Variants in TRIM5 observed in about 807,000 individuals in gnomAD.
The protein encoded by TRIM5 is tripartite motif containing 5.
TRIM5 carries 31 observed loss-of-function variants against 35.6 expected under a neutral mutation model. The observed-to-expected ratio is 0.87, with a 90% CI of 0.65 to 1.18. TRIM5 has a LOEUF of 1.18. Among genes scored for constraint, TRIM5 ranks in the 50% most tolerant of loss-of-function variants. The pLI is 0.00. For synonymous variants in TRIM5, 243 were observed against 215.6 expected (o/e 1.13, Z -1.11); for missense variants, 609 against 591.6 (o/e 1.03, Z -0.31).
the TRIM5 span, chr11:5,655,773 C>G: frequency 1.3e-6 from 1 of 787,964 alleles, no homozygotes; most frequent in Non-Finnish European, 1.5e-6. Context: ...TTCAGTGCTA[C>G]ATTTTAATTA....
chr11:5,610,519 C>T, the TRIM5 span: 4 of 1,614,038 alleles, frequency 2.5e-6, no homozygotes, highest in Non-Finnish European at 2.5e-6. Flanking sequence ...ATTATTGACT[C>T]TTTTCATCAT....
intron 4 of TRIM5, among the ~76,000 whole-genome samples, chr11:5,675,755 G>T (rs1480975782): frequency 6.8e-6 from 1 of 147,074 alleles, no homozygotes; most frequent in African/African-American, 2.5e-5. Flanking sequence ...CATTGTGCAG[G>T]TTAGTTACAT....
chr11:5,637,988 G>A, the TRIM5 span, among the ~76,000 whole-genome samples: 2 of 152,176 alleles, frequency 1.3e-5, no homozygotes, highest in Non-Finnish European at 2.9e-5. Flanking sequence ...AGAAAGACTA[G>A]CATGTCTATT....
the TRIM5 span, among the ~76,000 whole-genome samples, chr11:5,646,941 A>AAAC: frequency 6.6e-6 from 1 of 151,926 alleles, no homozygotes; most frequent in East Asian, 1.9e-4. Context: ...GATTTTAAAA[A>AAAC]AAACAAACAA....
chr11:5,633,818 A>C, the TRIM5 span: 1 of 1,613,856 alleles, frequency 6.2e-7, no homozygotes, highest in Non-Finnish European at 8.5e-7. Context: ...AACTCCAGGC[A>C]GTCCTCAAGA....
At chr11:5,610,512 A>G in the TRIM5 span, 5 of 1,614,002 alleles carry the variant, frequency 3.1e-6, no homozygotes, top group African/African-American at 4.0e-5. Flanking sequence ...ATTCAACATT[A>G]TTGACTCTTT....
the TRIM5 span, chr11:5,591,008 C>A: frequency 5.7e-6 from 1 of 176,636 alleles, no homozygotes; most frequent in Non-Finnish European, 1.2e-5. Context: ...CCCACCAATT[C>A]CGGACACACT....
At chr11:5,626,720 A>G in the TRIM5 span, 1 of 152,034 alleles carries the variant, frequency 6.6e-6, no homozygotes, top group African/African-American at 2.4e-5. Flanking sequence ...TCTCTACTAA[A>G]AAAATGCAAA....
At chr11:5,620,598 G>A in the TRIM5 span, among the ~76,000 whole-genome samples, 1 of 152,088 alleles carries the variant, frequency 6.6e-6, no homozygotes, top group South Asian at 2.1e-4. Flanking sequence ...TTCTACTTCT[G>A]TAGTAATTCT....
chr11:5,600,504 C>T, the TRIM5 span, among the ~76,000 whole-genome samples: 1 of 152,140 alleles, frequency 6.6e-6, no homozygotes, highest in African/African-American at 2.4e-5. Context: ...CCAGCAGGGC[C>T]GCTAGGAGGC....
chr11:5,683,138 C>A (rs145511662), intron 1 of TRIM5, among the ~76,000 whole-genome samples: 7 of 152,214 alleles, frequency 4.6e-5, no homozygotes, highest in African/African-American at 1.7e-4. Flanking sequence ...GCTGCCTCCC[C>A]GCGGGGCAGA....
At chr11:5,643,127 T>TATAGA in the TRIM5 span, 23 of 521,814 alleles carry the variant, frequency 4.4e-5, no homozygotes, top group African/African-American at 2.1e-4. Flanking sequence ...ATATATATAT[T>TATAGA]TTTTTTTTTC....
chr11:5,661,036 C>T (rs1223473514), downstream of TRIM5, among the ~76,000 whole-genome samples: 12 of 73,856 alleles, frequency 1.6e-4, 1 homozygote, highest in South Asian at 3.7e-3. Context: ...AGAGAGACTC[C>T]GTCTCAAAAA....
chr11:5,675,453 C>T (rs1000111751), intron 4 of TRIM5, among the ~76,000 whole-genome samples: 2 of 151,960 alleles, frequency 1.3e-5, no homozygotes, highest in Non-Finnish European at 2.9e-5. Context: ...AATGAGGGAG[C>T]AGGGAGGTAA....
chr11:5,644,458 G>C, the TRIM5 span: 7 of 387,936 alleles, frequency 1.8e-5, no homozygotes, highest in Admixed American at 1.3e-4. Context: ...AATAGTAGTT[G>C]ATTTTACTGA....
chr11:5,633,211 T>C, the TRIM5 span, among the ~76,000 whole-genome samples: 1 of 148,214 alleles, frequency 6.7e-6, no homozygotes, highest in Non-Finnish European at 1.5e-5. Context: ...GCGGACTGAG[T>C]CTGAAAAAGG....
At chr11:5,684,603 G>A (rs1212127068) in intron 1 of TRIM5, among the ~76,000 whole-genome samples, 9 of 152,286 alleles carry the variant, frequency 5.9e-5, no homozygotes, top group East Asian at 1.9e-4. Context: ...GTTGTTGGGA[G>A]AAGACACTGA....
the TRIM5 span, chr11:5,634,687 C>A: frequency 1.2e-6 from 2 of 1,614,022 alleles, no homozygotes; most frequent in African/African-American, 1.3e-5. Context: ...AGCTTAGAAG[C>A]ATCCTAAATA....
chr11:5,613,437 C>G, the TRIM5 span, among the ~76,000 whole-genome samples: 17 of 152,320 alleles, frequency 1.1e-4, no homozygotes, highest in Non-Finnish European at 2.1e-4. Flanking sequence ...CTGGTTTGTT[C>G]TAAGGCACCG....
Sources: gnomAD v4.1 joint callset for allele counts (sites outside exome capture counted in the v4.1 genomes callset) on GRCh38, gnomAD v4.1.1 for gene constraint, MANE v1.5 for transcripts, NCBI Gene and HGNC (gene_info 2026-07-23, HGNC 2026-07-21) for gene names.